The following RAD18 variants were observed in gnomAD, a reference collection of about 807,000 sequenced individuals.
The protein encoded by RAD18 is E3 ubiquitin-protein ligase RAD18.
A neutral mutation model predicts 60.4 loss-of-function variants in RAD18; 47 were observed. The ratio of observed to expected loss-of-function variants is 0.78; its 90% CI spans 0.62 to 0.99. RAD18 has a LOEUF of 0.99. Ranked by LOEUF, RAD18 falls within the 50% of genes least tolerant of loss-of-function variation. RAD18 has a pLI of 0.00. For missense variants in RAD18, 640 were observed against 593.3 expected, an observed-to-expected ratio of 1.08 and a Z score of -0.82; for synonymous variants, 225 against 195.5, an observed-to-expected ratio of 1.15 and a Z score of -1.26.
chr3:8,928,964 A>C (rs2125062212), intron 7 of RAD18, among the ~76,000 whole-genome samples: 1 of 152,334 alleles, frequency 6.6e-6, no homozygotes, highest in African/African-American at 2.4e-5. Context: ...AAATAACCAA[A>C]ATCTTTAAAA....
intron 7 of RAD18, among the ~76,000 whole-genome samples, chr3:8,933,565 T>C (rs1940597244): frequency 6.6e-6 from 1 of 152,190 alleles, no homozygotes; most frequent in African/African-American, 2.4e-5. Context: ...TACAAGCAAC[T>C]AATAAAAATT....
At chr3:8,917,960 G>C (rs539886732) in intron 7 of RAD18, among the ~76,000 whole-genome samples, 3 of 152,264 alleles carry the variant, frequency 2.0e-5, no homozygotes, top group Admixed American at 6.5e-5. Flanking sequence ...AAAGAAACCT[G>C]GAGGAGCTTT....
At chr3:8,950,239 T>C (rs1035125986) in intron 2 of RAD18, among the ~76,000 whole-genome samples, 6 of 152,160 alleles carry the variant, frequency 3.9e-5, no homozygotes, top group Non-Finnish European at 4.4e-5. Flanking sequence ...TTTCGCCATA[T>C]TGGCCAGGCT....
At chr3:8,893,983 C>T (rs895287041) in intron 11 of RAD18, among the ~76,000 whole-genome samples, 1 of 152,070 alleles carries the variant, frequency 6.6e-6, no homozygotes, top group Non-Finnish European at 1.5e-5. Flanking sequence ...TGTGAGCCAC[C>T]ACATCCAGCC....
chr3:8,920,025 G>A (rs1379510808), intron 7 of RAD18, among the ~76,000 whole-genome samples: 1 of 152,220 alleles, frequency 6.6e-6, no homozygotes, highest in Non-Finnish European at 1.5e-5. Context: ...GCTCACGCCT[G>A]TAATCCCAGC....
chr3:8,918,854 G>A (rs1004962676), intron 7 of RAD18, among the ~76,000 whole-genome samples: 1 of 152,176 alleles, frequency 6.6e-6, no homozygotes, highest in Non-Finnish European at 1.5e-5. Flanking sequence ...GGTGGAAGGG[G>A]TCCTAGTGCA....
chr3:8,882,484 C>T (rs1219686242), intron 12 of RAD18, among the ~76,000 whole-genome samples: 1 of 152,024 alleles, frequency 6.6e-6, no homozygotes, highest in Non-Finnish European at 1.5e-5. Context: ...TGAGAAAGGC[C>T]CACCCCTGAG....
intron 4 of RAD18, among the ~76,000 whole-genome samples, chr3:8,943,967 C>G (rs1185764494): frequency 1.3e-5 from 2 of 152,000 alleles, no homozygotes; most frequent in Non-Finnish European, 2.9e-5. Flanking sequence ...ATAACAGATA[C>G]TAGTGAAATA....
Position 8,963,447 on chromosome 3 carries a change from C to G in RAD18, c.-62G>C. On this transcript the variant is annotated 5_prime_UTR_variant, in exon 1 of 13. Coordinates refer to ENST00000264926, the MANE Select transcript of RAD18 (RefSeq NM_020165.4). ...TAGCCTCCGGCGCTCCAACACCACTCGAAATTCCCCGCGCTACCGCATTAC... is the reference window on the plus strand; with the variant it reads ...TAGCCTCCGGCGCTCCAACACCACTGGAAATTCCCCGCGCTACCGCATTAC... 1 of 1,436,282 alleles carries G rather than the reference C, an allele frequency of 7.0e-7. No homozygotes were observed. The highest frequency in any genetic ancestry group is 9.5e-7 in the Non-Finnish European group (1 of 1,051,248). 89.0% of individuals were successfully genotyped at this position (1,436,282 alleles called of 1,614,324 possible).
At chr3:8,952,314 C>T (rs1476304671) in intron 2 of RAD18, among the ~76,000 whole-genome samples, 2 of 152,080 alleles carry the variant, frequency 1.3e-5, no homozygotes, top group African/African-American at 2.4e-5. Flanking sequence ...GGCAAAAATT[C>T]CTGTCCAGAC....
At position 8,880,107 on chromosome 3, in the gene RAD18, A is replaced by T. The variant is rs1219750874; in HGVS notation, c.*1250T>A. ...ATTTCATGCAAATGAAATTATTATGACAAATTTTTCTATAGCCATTTCTAA... is the reference window on the plus strand; with the variant it reads ...ATTTCATGCAAATGAAATTATTATGTCAAATTTTTCTATAGCCATTTCTAA... On this transcript the variant is annotated 3_prime_UTR_variant, in exon 13 of 13. Coordinates refer to ENST00000264926, the MANE Select transcript of RAD18 (RefSeq NM_020165.4). The T allele has an allele frequency of 6.6e-6, 1 of 152,172 alleles. No individual in the cohort carries two copies. The highest frequency in any genetic ancestry group is 1.9e-4 in the East Asian group (1 of 5,196). 9.4% of individuals were successfully genotyped at this position (152,172 alleles called of 1,614,324 possible).
rs757772511 is a variant in RAD18, at chr3:8,958,973, AT to A, written c.79del (p.Ile27PhefsTer10). 17 of 1,613,804 alleles carry A rather than the reference AT, an allele frequency of 1.1e-5. No homozygotes were observed. Among genetic ancestry groups the A allele is most frequent in the Non-Finnish European group, 1.7e-6 (2 of 1,179,742 alleles). On this transcript the variant is annotated frameshift_variant, in exon 2 of 13. Coordinates refer to ENST00000264926, the MANE Select transcript of RAD18 (RefSeq NM_020165.4). LOFTEE classifies it high-confidence loss of function. ...TGCAATGTTGAAATACTCGAAGCAA[AT>A]TCCACACCGCAGCAAATCATCTATT... ...KTIDDLLRCG[I>X]CFEYFNIAMI... is the part of the protein sequence containing the mutation.
chr3:8,907,066 T>C (rs1406661190), intron 9 of RAD18, among the ~76,000 whole-genome samples: 5 of 152,210 alleles, frequency 3.3e-5, no homozygotes, highest in African/African-American at 1.2e-4. Flanking sequence ...CTTCCAGTAC[T>C]ATGTCCTGCA....
intron 12 of RAD18, among the ~76,000 whole-genome samples, chr3:8,888,462 A>G (rs1939621983): frequency 6.6e-6 from 1 of 152,230 alleles, no homozygotes; most frequent in African/African-American, 2.4e-5. Flanking sequence ...ATGTTCTAAG[A>G]CTAACATCTC....
chr3:8,883,159 T>A (rs896222068), intron 12 of RAD18, among the ~76,000 whole-genome samples: 1 of 152,140 alleles, frequency 6.6e-6, no homozygotes, highest in Non-Finnish European at 1.5e-5. Flanking sequence ...AAAAATGGCA[T>A]AACATGTGTA....
At position 8,940,959 on chromosome 3, in the gene RAD18, G is replaced by C. The variant is rs182514498; in HGVS notation, c.604+508C>G. The stretch of plus-strand genomic sequence containing the variant: ...CAAAAACAGGTGGCAAGCCAGATTA[G>C]ATCTGCCAGTTGTAGTTTGCCAATT... On this transcript the variant is annotated intron_variant, in intron 5 of 12. Coordinates refer to ENST00000264926, the MANE Select transcript of RAD18 (RefSeq NM_020165.4). Among the ~76,000 whole-genome samples the C allele has an allele frequency of 4.6e-5, 7 of 152,336 alleles. No homozygotes were observed. The South Asian group carries it at 1.5e-3, about 32-fold the overall frequency.
intron 9 of RAD18, among the ~76,000 whole-genome samples, chr3:8,908,102 C>T (rs1055998876): frequency 1.3e-5 from 2 of 152,118 alleles, no homozygotes; most frequent in African/African-American, 4.8e-5. Context: ...TTTTCCAAGA[C>T]CCTGCCACCT....
rs932248293 is a variant in RAD18, at chr3:8,913,692, A to G, written c.918T>C (p.Asn306=). The G allele has an allele frequency of 6.3e-7, 1 of 1,579,256 alleles. No homozygotes were observed. The highest frequency in any genetic ancestry group is 8.6e-7 in the Non-Finnish European group (1 of 1,160,808). Residue 306 remains asparagine (N), a synonymous_variant, in exon 8 of 13, where the codon AAT becomes AAC. Coordinates refer to ENST00000264926, the MANE Select transcript of RAD18 (RefSeq NM_020165.4). ...SAAEIVREIE[N]IEKTRMRLEA... The stretch of plus-strand genomic sequence containing the variant: ...CAAGACGCATCCTAGTCTTCTCTAT[A>G]TTTTCGATTTCTCGAACTATTTCAG...
At chr3:8,928,899 G>T (rs986452396) in intron 7 of RAD18, among the ~76,000 whole-genome samples, 6 of 152,076 alleles carry the variant, frequency 3.9e-5, no homozygotes, top group South Asian at 2.1e-4. Flanking sequence ...TACAGAACAG[G>T]TTCTTTGGCC....
Sources: gnomAD v4.1 joint callset for allele counts (sites outside exome capture counted in the v4.1 genomes callset) on GRCh38, gnomAD v4.1.1 for gene constraint, MANE v1.5 for transcripts, NCBI Gene and HGNC (gene_info 2026-07-23, HGNC 2026-07-21) for gene names.